Variants in OSBPL5 observed in about 807,000 individuals in gnomAD.
The protein encoded by OSBPL5 is oxysterol binding protein like 5, also known as oxysterol-binding protein-related protein 5.
A neutral mutation model predicts 111.2 loss-of-function variants in OSBPL5; 71 were observed. The ratio of observed to expected loss-of-function variants is 0.64; its 90% CI spans 0.53 to 0.78. The LOEUF (loss-of-function observed/expected upper bound fraction) is 0.78, where lower values mean the gene tolerates loss of function less well. OSBPL5 is among the 30% of genes least tolerant of loss of function. The probability of loss-of-function intolerance (pLI) is 0.00; values close to 1 mark genes in which losing one functional copy is unlikely to be tolerated. For synonymous variants in OSBPL5, 549 were observed against 513.9 expected, an observed-to-expected ratio of 1.07 and a Z score of -0.93; for missense variants, 1,210 against 1,189.3, an observed-to-expected ratio of 1.02 and a Z score of -0.26.
chr11:3,153,559 C>T (rs1429763475), intron 1 of OSBPL5, among the ~76,000 whole-genome samples: 2 of 152,150 alleles, frequency 1.3e-5, no homozygotes, highest in African/African-American at 4.8e-5. Context: ...ACGCCAGCAC[C>T]GTCGCTAGGG....
At chr11:3,103,858 G>A (rs1404355750) in intron 10 of OSBPL5, among the ~76,000 whole-genome samples, 5 of 106,470 alleles carry the variant, frequency 4.7e-5, no homozygotes, top group Non-Finnish European at 9.6e-5. Flanking sequence ...TTTCCAGTCT[G>A]CGCAGCCCCC....
At chr11:3,127,004 G>T (rs1161288526) in intron 2 of OSBPL5, among the ~76,000 whole-genome samples, 2 of 152,222 alleles carry the variant, frequency 1.3e-5, no homozygotes, top group Non-Finnish European at 2.9e-5. Flanking sequence ...CTGGGAGGTG[G>T]TCAGCCCTGT....
intron 6 of OSBPL5, 129 bp downstream of exon 6, chr11:3,120,281 GGGCTCAGAGAA>G (rs1387229969): frequency 1.8e-5 from 18 of 1,012,196 alleles, no homozygotes; most frequent in Non-Finnish European, 2.6e-5. Flanking sequence ...GCCGCATGTG[GGGCTCAGAGAA>G]GGTGAGACAC....
Position 3,107,241 on chromosome 11 carries a change from C to A in OSBPL5, c.1059+22G>T, listed in dbSNP as rs1175357713. ...GCCGAGGCAGGGGAGACGCTTGGGG[C>A]TCCTGGCTGGGGGGCTCTCACCTCC... On this transcript the variant is annotated intron_variant, in intron 9 of 21. Transcript: ENST00000263650. The surrounding 1 kb of genome is among the most constrained non-coding windows in gnomAD (Gnocchi z 6.1). The A allele has an allele frequency of 1.2e-6, 2 of 1,605,746 alleles. No individual in the cohort carries two copies. Among genetic ancestry groups the A allele is most frequent in the East Asian group, 2.2e-5 (1 of 44,768 alleles).
At chr11:3,127,441 G>A (rs1416843185) in intron 2 of OSBPL5, among the ~76,000 whole-genome samples, 1 of 152,200 alleles carries the variant, frequency 6.6e-6, no homozygotes, top group South Asian at 2.1e-4. Context: ...GGATGGGGAC[G>A]AAGAACGGAA....
intron 1 of OSBPL5, among the ~76,000 whole-genome samples, chr11:3,156,459 G>A (rs1039765133): frequency 6.6e-6 from 1 of 152,186 alleles, no homozygotes; most frequent in Non-Finnish European, 1.5e-5. Flanking sequence ...CTGTCTGCAT[G>A]TGTTTATGGA....
intron 2 of OSBPL5, among the ~76,000 whole-genome samples, chr11:3,127,821 AC>A (rs1474351138): frequency 1.3e-5 from 2 of 152,072 alleles, no homozygotes; most frequent in Non-Finnish European, 2.9e-5. Flanking sequence ...CCTTCTCCTC[AC>A]AGCCTGTCCA....
chr11:3,120,334 G>A, intron 6 of OSBPL5, 87 bp downstream of exon 6: 1 of 1,496,780 alleles, frequency 6.7e-7, no homozygotes. Context: ...CCATTCAGCT[G>A]GTTGGCTCCA....
chr11:3,161,136 A>G lies in OSBPL5; in HGVS notation c.-22+4080T>C. 6.6e-6 allele frequency: 1 copy of G among 152,288 alleles called. No individual in the cohort carries two copies. Among genetic ancestry groups the G allele is most frequent in the Non-Finnish European group, 1.5e-5 (1 of 68,008 alleles). 9.4% of individuals were successfully genotyped at this position (152,288 alleles called of 1,614,324 possible). On this transcript the variant is annotated intron_variant, in intron 1 of 21. Transcript: ENST00000263650. The surrounding 1 kb of genome is among the most constrained non-coding windows in gnomAD (Gnocchi z 8.0). ...ATCTCCTCCCTGTTTTCCACTTAAA[A>G]TCCCTAAGAATGTACATATTTAGAA...
At chr11:3,132,037 CCA>C in intron 1 of OSBPL5, among the ~76,000 whole-genome samples, 1 of 139,862 alleles carries the variant, frequency 7.1e-6, no homozygotes, top group Non-Finnish European at 1.5e-5. Context: ...ATCCATCCAT[CCA>C]TCCATCCATC....
chr11:3,100,037 A>AAAT, intron 14 of OSBPL5, 121 bp downstream of exon 14: 2 of 775,926 alleles, frequency 2.6e-6, no homozygotes, highest in Non-Finnish European at 4.0e-6. Flanking sequence ...AAAAAAAAAA[A>AAAT]GTCATGGGCA....
At position 3,146,975 on chromosome 11, in the gene OSBPL5, C is replaced by T. The variant is rs1000645104; in HGVS notation, c.-21-17806G>A. 3.3e-5 allele frequency among the ~76,000 whole-genome samples: 5 copies of T among 152,182 alleles called. No homozygotes were observed. Among genetic ancestry groups the T allele is most frequent in the Admixed American group, 1.3e-4 (2 of 15,280 alleles). On this transcript the variant is annotated intron_variant, in intron 1 of 21. Coordinates refer to ENST00000263650, the MANE Select transcript of OSBPL5 (RefSeq NM_020896.4). This position sits in a 1 kb window ranked among gnomAD's most constrained non-coding sequence, Gnocchi z 7.8. Reference sequence around the variant, plus strand: ...GGCACGGGGGCCTTGGCAGCTGTCACGACCCTCCTGAGCTAAACGCACAGC... The same window carrying T: ...GGCACGGGGGCCTTGGCAGCTGTCATGACCCTCCTGAGCTAAACGCACAGC...
chr11:3,094,571 G>A (rs1447319908), intron 14 of OSBPL5: 13 of 507,558 alleles, frequency 2.6e-5, no homozygotes, highest in African/African-American at 1.8e-4. Flanking sequence ...TGGGAGGCAC[G>A]GAGCCTGGGA....
chr11:3,157,896 C>T (rs562362759), intron 1 of OSBPL5, among the ~76,000 whole-genome samples: 200 of 152,354 alleles, frequency 1.3e-3, no homozygotes, highest in African/African-American at 4.6e-3. Context: ...TCCTCGACCA[C>T]GGCAGCCGTG....
At chr11:3,136,885 T>A (rs1845963537) in intron 1 of OSBPL5, among the ~76,000 whole-genome samples, 1 of 152,212 alleles carries the variant, frequency 6.6e-6, no homozygotes. Flanking sequence ...AGCAGTAACA[T>A]CCGGCACAGA....
chr11:3,090,325 G>T (rs982141947), intron 20 of OSBPL5, among the ~76,000 whole-genome samples: 9 of 152,192 alleles, frequency 5.9e-5, no homozygotes, highest in African/African-American at 2.2e-4. Flanking sequence ...CCTGGCCTGG[G>T]CCCACTCCCT....
chr11:3,120,286 C>T (rs1402067139), intron 6 of OSBPL5, 135 bp downstream of exon 6: 2 of 1,076,718 alleles, frequency 1.9e-6, no homozygotes, highest in Admixed American at 4.6e-5. Flanking sequence ...ATGTGGGGCT[C>T]AGAGAAGGTG....
At chr11:3,099,795 G>A (rs373656189) in intron 14 of OSBPL5, among the ~76,000 whole-genome samples, 4 of 152,026 alleles carry the variant, frequency 2.6e-5, no homozygotes, top group African/African-American at 4.8e-5. Context: ...GAGGCTGGGC[G>A]CGGTGGCTCA....
rs1857849965 is a variant in OSBPL5, at chr11:3,109,770, T to C, written c.692-1825A>G. ...AGCTGGAGGGGTCACAACTGCCGAG[T>C]TGGCCCCAGGGCCTGAACACGTGTG... On this transcript the variant is annotated intron_variant, in intron 7 of 21. Coordinates refer to ENST00000263650, the MANE Select transcript of OSBPL5 (RefSeq NM_020896.4). This position sits in a 1 kb window ranked among gnomAD's most constrained non-coding sequence, Gnocchi z 7.4. Among the ~76,000 whole-genome samples the C allele has an allele frequency of 6.6e-6, 1 of 152,102 alleles. No homozygotes were observed. Among genetic ancestry groups the C allele is most frequent in the South Asian group, 2.1e-4 (1 of 4,822 alleles).
Sources: allele counts gnomAD v4.1 joint callset (sites outside exome capture counted in the v4.1 genomes callset), GRCh38; gene constraint gnomAD v4.1.1; non-coding constraint Gnocchi (gnomAD v3.1); transcripts MANE v1.5; gene names NCBI Gene and HGNC (gene_info 2026-07-23, HGNC 2026-07-21).